Variants in FOXP1 observed in about 807,000 individuals in gnomAD.
The protein encoded by FOXP1 is forkhead box protein P1.
Under a neutral mutation model 98.2 loss-of-function variants are expected in FOXP1, and 15 were observed. The observed-to-expected ratio is 0.15, with a 90% CI of 0.10 to 0.24. The LOEUF is 0.24. Ranked by LOEUF, FOXP1 falls within the 10% of genes least tolerant of loss-of-function variation. The pLI is 1.00. For missense variants in FOXP1, 633 were observed against 848.5 expected, an observed-to-expected ratio of 0.75 and a Z score of 3.15; for synonymous variants, 371 against 314.5, an observed-to-expected ratio of 1.18 and a Z score of -1.90.
At chr3:71,575,008 T>G (rs890801131) in intron 2 of FOXP1, among the ~76,000 whole-genome samples, 1 of 152,194 alleles carries the variant, frequency 6.6e-6, no homozygotes, top group Non-Finnish European at 1.5e-5. Flanking sequence ...CCTCCAACTC[T>G]GATAATTGAC....
At chr3:70,961,299 C>T (rs1413997859) in intron 20 of FOXP1, among the ~76,000 whole-genome samples, 2 of 151,976 alleles carry the variant, frequency 1.3e-5, no homozygotes, top group Admixed American at 6.5e-5. Flanking sequence ...GGCAGGATCT[C>T]GGCTCACTGC....
chr3:71,047,249 A>C (rs1314609971), intron 9 of FOXP1, among the ~76,000 whole-genome samples, 154 bp from the exon 10 acceptor site: 1 of 152,182 alleles, frequency 6.6e-6, no homozygotes, highest in African/African-American at 2.4e-5. Flanking sequence ...GGGACAAAGC[A>C]TACCTCCTCT....
intron 7 of FOXP1, among the ~76,000 whole-genome samples, chr3:71,082,354 T>A (rs1398628124): frequency 1.3e-5 from 2 of 150,296 alleles, no homozygotes; most frequent in Non-Finnish European, 2.9e-5. Flanking sequence ...ATGGGCATCA[T>A]ATGAAAGCCA....
At chr3:71,551,403 A>G (rs954900382) in intron 2 of FOXP1, among the ~76,000 whole-genome samples, 1 of 152,234 alleles carries the variant, frequency 6.6e-6, no homozygotes, top group Non-Finnish European at 1.5e-5. Flanking sequence ...TAAGGCATAG[A>G]AAACTACTTT....
intron 2 of FOXP1, among the ~76,000 whole-genome samples, chr3:71,576,500 T>C (rs546611569): frequency 6.6e-6 from 1 of 152,234 alleles, no homozygotes; most frequent in Non-Finnish European, 1.5e-5. Context: ...TTGACAGTAC[T>C]TCTGTCTTTA....
chr3:71,397,943 GGAA>G (rs1410332880), intron 3 of FOXP1, among the ~76,000 whole-genome samples: 2 of 152,168 alleles, frequency 1.3e-5, no homozygotes, highest in Admixed American at 1.3e-4. Context: ...AGGGAAAGAA[GGAA>G]GAAGCAGAGA....
intron 2 of FOXP1, among the ~76,000 whole-genome samples, chr3:71,530,933 T>A (rs978164194): frequency 2.0e-5 from 3 of 152,198 alleles, no homozygotes; most frequent in Non-Finnish European, 4.4e-5. Context: ...GTACTAACTT[T>A]CCCATTCTGC....
At chr3:71,418,228 G>T (rs1004209739) in intron 3 of FOXP1, among the ~76,000 whole-genome samples, 3 of 151,922 alleles carry the variant, frequency 2.0e-5, no homozygotes, top group Non-Finnish European at 2.9e-5. Flanking sequence ...TCACACTTCG[G>T]TGTCTCTAAT....
chr3:71,397,892 AT>A (rs2081651519), intron 3 of FOXP1, among the ~76,000 whole-genome samples: 1 of 152,158 alleles, frequency 6.6e-6, no homozygotes, highest in South Asian at 2.1e-4. Flanking sequence ...TCCGTATAAC[AT>A]TTTACAGGGA....
At position 71,378,094 on chromosome 3, in the gene FOXP1, AAAC is replaced by A. The variant is rs200799676; in HGVS notation, c.-167-18853_-167-18851del. On this transcript the variant is annotated intron_variant, in intron 3 of 20. Coordinates refer to ENST00000649528, the MANE Select transcript of FOXP1 (RefSeq NM_001349338.3). ...GAAAAGGGAATCAATACAGGCCAAG[AAAC>A]AAAAAAAAAAAAAAAAGCCTGTGTT... Among the ~76,000 whole-genome samples the A allele has an allele frequency of 5.3e-3, 240 of 45,080 alleles. 11 individuals are homozygous for A. In the Middle Eastern group the frequency reaches 0.057, roughly 11 times the overall value. The allele number at this position is 45,080 out of a possible 152,430, so 29.6% of individuals were successfully genotyped here.
chr3:71,421,216 G>T (rs2083616887), intron 3 of FOXP1, among the ~76,000 whole-genome samples: 1 of 152,134 alleles, frequency 6.6e-6, no homozygotes, highest in African/African-American at 2.4e-5. Flanking sequence ...AAGTAAGAAT[G>T]CGCAAAGCAA....
intron 7 of FOXP1, among the ~76,000 whole-genome samples, chr3:71,092,128 T>C (rs939361923): frequency 2.0e-5 from 3 of 150,058 alleles, no homozygotes; most frequent in African/African-American, 7.4e-5. Flanking sequence ...GTGGAGGTTG[T>C]AGTGAGCTGA....
At chr3:71,075,705 G>A (rs1227311193) in intron 7 of FOXP1, among the ~76,000 whole-genome samples, 1 of 96,316 alleles carries the variant, frequency 1.0e-5, no homozygotes, top group East Asian at 2.2e-4. Flanking sequence ...AGGACCCACT[G>A]GGTTTTTTTT....
intron 4 of FOXP1, among the ~76,000 whole-genome samples, chr3:71,309,567 A>C (rs1316808760): frequency 6.6e-6 from 1 of 152,184 alleles, no homozygotes; most frequent in African/African-American, 2.4e-5. Flanking sequence ...CTCTCCTCTT[A>C]CTATATCAAT....
intron 3 of FOXP1, among the ~76,000 whole-genome samples, chr3:71,454,275 C>T (rs960799840): frequency 1.3e-5 from 2 of 152,120 alleles, no homozygotes; most frequent in Admixed American, 6.5e-5. Context: ...GAGCTAGGGT[C>T]GCCGGGGCTA....
At chr3:71,237,470 C>G (rs910863232) in intron 5 of FOXP1, among the ~76,000 whole-genome samples, 2 of 151,986 alleles carry the variant, frequency 1.3e-5, no homozygotes, top group Non-Finnish European at 2.9e-5. Flanking sequence ...CTGGTAGCTA[C>G]CATAGCAGAC....
chr3:71,407,693 C>T (rs2082445974), intron 3 of FOXP1, among the ~76,000 whole-genome samples: 2 of 151,684 alleles, frequency 1.3e-5, no homozygotes, highest in Non-Finnish European at 2.9e-5. Context: ...CATCTTTTTG[C>T]TTTCTGGCCA....
intron 2 of FOXP1, among the ~76,000 whole-genome samples, chr3:71,510,981 G>A (rs1322282871): frequency 1.3e-5 from 2 of 152,112 alleles, no homozygotes; most frequent in African/African-American, 4.8e-5. Context: ...CATTATGTAA[G>A]GCAGTGAAAT....
intron 6 of FOXP1, among the ~76,000 whole-genome samples, chr3:71,195,706 G>T (rs2063258778): frequency 6.6e-6 from 1 of 152,208 alleles, no homozygotes; most frequent in South Asian, 2.1e-4. Context: ...TGCAGTTATT[G>T]AAATTTTATC....
Sources: gnomAD v4.1 joint callset for allele counts (sites outside exome capture counted in the v4.1 genomes callset) on GRCh38, gnomAD v4.1.1 for gene constraint, MANE v1.5 for transcripts, NCBI Gene and HGNC (gene_info 2026-07-23, HGNC 2026-07-21) for gene names.